CD96: variants seen among roughly 807,000 people sequenced by gnomAD.
The protein encoded by CD96 is T-cell surface protein tactile.
CD96 carries 70 observed loss-of-function variants against 71.3 expected under a neutral mutation model. That is an observed-to-expected ratio of 0.98 (90% CI 0.81 to 1.20). CD96 has a LOEUF of 1.20. Ranked by LOEUF, CD96 falls within the 50% of genes most tolerant of loss-of-function variation. CD96 has a pLI of 0.00. For missense variants in CD96, 742 were observed against 677.5 expected, an observed-to-expected ratio of 1.10 and a Z score of -1.06; for synonymous variants, 248 against 233.0, an observed-to-expected ratio of 1.06 and a Z score of -0.59.
chr3:111,647,086 A>G (rs569003082), intron 12 of CD96, among the ~76,000 whole-genome samples: 2 of 133,420 alleles, frequency 1.5e-5, no homozygotes, highest in East Asian at 4.5e-4. Flanking sequence ...GAGGGTAAAG[A>G]TTAAAAAAAA....
chr3:111,560,607 G>T (rs1935338910), intron 2 of CD96, among the ~76,000 whole-genome samples: 2 of 91,814 alleles, frequency 2.2e-5, no homozygotes, highest in Admixed American at 2.3e-4. Context: ...TCCCTTTGAG[G>T]GTAACCCGAC....
chr3:111,607,496 T>G (rs551680739), intron 8 of CD96, among the ~76,000 whole-genome samples: 1 of 152,360 alleles, frequency 6.6e-6, no homozygotes, highest in East Asian at 1.9e-4. Context: ...TTCCCACGTC[T>G]GTGGCTTTTG....
chr3:111,571,182 T>G (rs1216515197), intron 3 of CD96: 1 of 556,586 alleles, frequency 1.8e-6, no homozygotes, highest in East Asian at 2.8e-5. Context: ...TTGCCTGGAG[T>G]AAGAGTTTTT....
chr3:111,549,276 G>A (rs1934573888), intron 2 of CD96, among the ~76,000 whole-genome samples: 1 of 152,040 alleles, frequency 6.6e-6, no homozygotes, highest in African/African-American at 2.4e-5. Flanking sequence ...GGTTCTATGG[G>A]GGAAGGAAGT....
chr3:111,584,028 C>A (rs1318921349), intron 4 of CD96, among the ~76,000 whole-genome samples: 1 of 152,214 alleles, frequency 6.6e-6, no homozygotes, highest in Non-Finnish European at 1.5e-5. Context: ...AACTTTCATG[C>A]TCTGCTTCCC....
intron 14 of CD96, among the ~76,000 whole-genome samples, chr3:111,661,614 C>G (rs1302471265): frequency 6.6e-6 from 1 of 152,174 alleles, no homozygotes; most frequent in East Asian, 1.9e-4. Flanking sequence ...GCTACAGGCC[C>G]CATGCAAGTC....
chr3:111,661,063 G>A (rs1467812907), intron 14 of CD96, among the ~76,000 whole-genome samples: 3 of 152,196 alleles, frequency 2.0e-5, no homozygotes, highest in African/African-American at 7.2e-5. Flanking sequence ...AGGAATGGCT[G>A]GGGAAGCCTC....
chr3:111,556,441 G>A (rs1418809904), intron 2 of CD96, among the ~76,000 whole-genome samples: 2 of 119,776 alleles, frequency 1.7e-5, no homozygotes, highest in East Asian at 5.1e-4. Flanking sequence ...ACCTATGAGT[G>A]AGAATATGCG....
intron 2 of CD96, among the ~76,000 whole-genome samples, chr3:111,552,042 ATTAT>A (rs1470910059): frequency 2.0e-5 from 3 of 152,112 alleles, no homozygotes; most frequent in Non-Finnish European, 4.4e-5. Context: ...CATTTCTCTA[ATTAT>A]CAGTGATGTT....
At chr3:111,661,519 T>C (rs2107818452) in intron 14 of CD96, among the ~76,000 whole-genome samples, 1 of 152,156 alleles carries the variant, frequency 6.6e-6, no homozygotes. Flanking sequence ...AAAAAACAAG[T>C]TAGTTACTTC....
In CD96 at chr3:111,579,123, A is replaced by G; in HGVS notation, c.640A>G (p.Arg214Gly). Reference protein sequence around the residue: ...KDRVKLGTDYRLHLSPVQIFD... With the variant: ...KDRVKLGTDYGLHLSPVQIFD... ...TAGAGTCAAGCTTGGTACAGACTAC[A>G]GACTCCACCTCTCTCCAGTCCAAAT... Residue 214 changes from arginine (R) to glycine (G), a missense_variant, in exon 4 of 14, where the codon AGA becomes GGA. Physicochemically the swap from Arg to Gly is moderately radical, Grantham distance 125. Transcript: ENST00000352690. 8 of 1,596,236 alleles carry G rather than the reference A, an allele frequency of 5.0e-6. No homozygotes were observed. Among genetic ancestry groups the G allele is most frequent in the Non-Finnish European group, 6.9e-6 (8 of 1,163,554 alleles).
chr3:111,657,665 G>C (rs1940266140), intron 14 of CD96, among the ~76,000 whole-genome samples: 1 of 152,092 alleles, frequency 6.6e-6, no homozygotes, highest in Non-Finnish European at 1.5e-5. Context: ...CTCATTGAGG[G>C]AAAAGGAACA....
Position 111,650,466 on chromosome 3 carries a change from A to G in CD96, c.*660A>G, listed in dbSNP as rs1426463339. On this transcript the variant is annotated 3_prime_UTR_variant, in exon 14 of 14. Coordinates refer to ENST00000352690, the MANE Select transcript of CD96 (RefSeq NM_005816.5). ...GGATCAAAGAGATAATTAGCCAAAA[A>G]CCCAGTAGCCTAGAAGATACAAAAC... 6.5e-6 allele frequency: 1 copy of G among 154,014 alleles called. No individual in the cohort carries two copies. The highest frequency in any genetic ancestry group is 1.4e-5 in the Non-Finnish European group (1 of 69,228). 9.5% of individuals were successfully genotyped at this position (154,014 alleles called of 1,614,324 possible).
chr3:111,658,644 A>T (rs1559784385), intron 14 of CD96, among the ~76,000 whole-genome samples: 1 of 152,338 alleles, frequency 6.6e-6, no homozygotes, highest in South Asian at 2.1e-4. Flanking sequence ...TGACCAAGTG[A>T]TCAAAATTAA....
At chr3:111,647,795 CAGAG>C in intron 13 of CD96, 129 bp downstream of exon 13, 1 of 718,306 alleles carries the variant, frequency 1.4e-6, no homozygotes, top group South Asian at 1.6e-5. Flanking sequence ...CACAGAAGCT[CAGAG>C]AGATTATATA....
intron 10 of CD96, among the ~76,000 whole-genome samples, chr3:111,626,085 C>A (rs984525647): frequency 1.3e-5 from 2 of 151,898 alleles, no homozygotes; most frequent in African/African-American, 4.8e-5. Flanking sequence ...GGGTGGATCA[C>A]GAGGTCAGGA....
chr3:111,648,158 A>G lies in CD96; in HGVS notation c.1601+492A>G, dbSNP rs181590450. On this transcript the variant is annotated intron_variant, in intron 13 of 13. Coordinates refer to ENST00000352690, the MANE Select transcript of CD96 (RefSeq NM_005816.5). ...TTCCCAAGCAGAAAAGAAAGTAAGC[A>G]TTGGGTTACCCCATTTTTGTCTTAT... Among the ~76,000 whole-genome samples, 5 of 152,270 alleles carry G rather than the reference A, an allele frequency of 3.3e-5. No homozygotes were observed. The South Asian group carries it at 6.2e-4, about 19-fold the overall frequency.
intron 10 of CD96, among the ~76,000 whole-genome samples, chr3:111,626,341 G>C (rs1938761639): frequency 6.7e-6 from 1 of 149,056 alleles, no homozygotes; most frequent in Admixed American, 6.7e-5. Context: ...AATGCTCAGT[G>C]TCTCTGGTAA....
At chr3:111,586,486 T>C (rs1936720689) in intron 5 of CD96, among the ~76,000 whole-genome samples, 1 of 152,208 alleles carries the variant, frequency 6.6e-6, no homozygotes, top group Non-Finnish European at 1.5e-5. Context: ...TATTAGTCTC[T>C]TAGGTAACTG....
Sources: allele counts gnomAD v4.1 joint callset (sites outside exome capture counted in the v4.1 genomes callset), GRCh38; gene constraint gnomAD v4.1.1; transcripts MANE v1.5; gene names NCBI Gene and HGNC (gene_info 2026-07-23, HGNC 2026-07-21).